The following SH3KBP1 variants were observed in gnomAD, a reference collection of about 807,000 sequenced individuals.
SH3KBP1 encodes the protein SH3 domain-containing kinase-binding protein 1.
Under a neutral mutation model 50.1 loss-of-function variants are expected in SH3KBP1, and 8 were observed. The ratio of observed to expected loss-of-function variants is 0.16; its 90% CI spans 0.09 to 0.29. The LOEUF (loss-of-function observed/expected upper bound fraction) is 0.29, where lower values mean the gene tolerates loss of function less well. SH3KBP1 is among the 10% of genes least tolerant of loss of function. The probability of loss-of-function intolerance (pLI) is 1.00; values close to 1 mark genes in which losing one functional copy is unlikely to be tolerated. For synonymous variants in SH3KBP1, 227 were observed against 218.6 expected, an observed-to-expected ratio of 1.04 and a Z score of -0.34; for missense variants, 377 against 535.2, an observed-to-expected ratio of 0.70 and a Z score of 2.92.
chrX:19,582,599 C>G (rs1461293764), intron 12 of SH3KBP1, among the ~76,000 whole-genome samples: 1 of 112,053 alleles, frequency 8.9e-6, no homozygotes, highest in Non-Finnish European at 1.9e-5. Flanking sequence ...ATCACCATCT[C>G]CTGTGCTTCC....
rs935806212 is a variant in SH3KBP1, at chrX:19,777,973, G to A, written c.163-31532C>T. Among the ~76,000 whole-genome samples the A allele has an allele frequency of 1.3e-4, 15 of 111,220 alleles. 1 individual carries two copies. Among genetic ancestry groups the A allele is most frequent in the African/African-American group, 4.2e-4 (13 of 30,603 alleles). On this transcript the variant is annotated intron_variant, in intron 2 of 17. Transcript: ENST00000397821. ...AAAGGTTGAGGCTACAGGAGGGGCC[G>A]AGATCCTCTGGAGCAGCTGGCTGGA...
At chrX:19,561,057 G>C (rs773009083) in intron 13 of SH3KBP1, among the ~76,000 whole-genome samples, 5 of 84,583 alleles carry the variant, frequency 5.9e-5, no homozygotes, top group South Asian at 6.6e-4. Flanking sequence ...CTGGGCAACA[G>C]AGCAAGACCC....
At chrX:19,756,965 C>T (rs1257862139) in intron 2 of SH3KBP1, among the ~76,000 whole-genome samples, 1 of 108,747 alleles carries the variant, frequency 9.2e-6, no homozygotes, top group African/African-American at 3.4e-5. Context: ...ACACAATAAA[C>T]TGATAACTGA....
At chrX:19,870,350 T>A (rs1332829411) in intron 1 of SH3KBP1, among the ~76,000 whole-genome samples, 1 of 110,546 alleles carries the variant, frequency 9.0e-6, no homozygotes, top group Non-Finnish European at 1.9e-5. Flanking sequence ...CATTTCTTTT[T>A]TTTTTTTTCT....
At chrX:19,704,349 C>T (rs2063603726) in intron 4 of SH3KBP1, among the ~76,000 whole-genome samples, 1 of 112,393 alleles carries the variant, frequency 8.9e-6, no homozygotes, top group Non-Finnish European at 1.9e-5. Flanking sequence ...AGTTTCTCTG[C>T]AGCCAATAGG....
intron 9 of SH3KBP1, among the ~76,000 whole-genome samples, chrX:19,600,095 C>CAAAAA (rs1218369399): frequency 3.6e-5 from 1 of 27,415 alleles, no homozygotes; most frequent in Non-Finnish European, 6.7e-5. Context: ...GACTCCGTCT[C>CAAAAA]AAAAAAAAAA....
At chrX:19,630,752 G>T (rs1267844590) in intron 8 of SH3KBP1, among the ~76,000 whole-genome samples, 2 of 111,871 alleles carry the variant, frequency 1.8e-5, no homozygotes, top group Non-Finnish European at 3.8e-5. Flanking sequence ...TTAACTTCTT[G>T]GGTCATTAGT....
intron 12 of SH3KBP1, among the ~76,000 whole-genome samples, chrX:19,577,585 G>A (rs976160855): frequency 1.5e-4 from 17 of 111,217 alleles, no homozygotes; most frequent in African/African-American, 4.3e-4. Flanking sequence ...TGCATCTCTC[G>A]AGACCATGAA....
At chrX:19,866,692 TAA>T (rs11393561) in intron 1 of SH3KBP1, among the ~76,000 whole-genome samples, 4 of 95,306 alleles carry the variant, frequency 4.2e-5, no homozygotes, top group Admixed American at 1.1e-4. Flanking sequence ...CCTGTCTCTT[TAA>T]AAAAAAAAAA....
At chrX:19,595,649 A>C (rs1348232793) in intron 9 of SH3KBP1, among the ~76,000 whole-genome samples, 1 of 103,857 alleles carries the variant, frequency 9.6e-6, no homozygotes, top group East Asian at 3.0e-4. Context: ...GTCACTCTGT[A>C]GGTGATGGAG....
rs976800943 is a variant in SH3KBP1 at position 19,682,631 on chromosome X, T to C, written c.726+1192A>G. On this transcript the variant is annotated intron_variant, in intron 6 of 17. Coordinates refer to ENST00000397821, the MANE Select transcript of SH3KBP1 (RefSeq NM_031892.3). ...AGTTTTCAGATCTTGAAAAATATCA[T>C]ATATTGATTGCTGAAAGGAACAATG... Among the ~76,000 whole-genome samples the C allele has an allele frequency of 9.0e-5, 10 of 110,566 alleles. No homozygotes were observed. The South Asian group carries it at 1.2e-3, about 13-fold the overall frequency.
At chrX:19,850,933 G>A (rs1266857398) in intron 1 of SH3KBP1, among the ~76,000 whole-genome samples, 1 of 110,321 alleles carries the variant, frequency 9.1e-6, no homozygotes, top group Non-Finnish European at 1.9e-5. Flanking sequence ...GGTTTGGGAA[G>A]CGCTGGCCCA....
At chrX:19,679,331 T>A (rs1054496961) in intron 6 of SH3KBP1, among the ~76,000 whole-genome samples, 2 of 112,316 alleles carry the variant, frequency 1.8e-5, no homozygotes, top group Non-Finnish European at 1.9e-5. Context: ...ACTCAATACA[T>A]GCTAGTTGAA....
At chrX:19,722,569 GGTGTGT>G (rs55675573) in intron 3 of SH3KBP1, among the ~76,000 whole-genome samples, 2,094 of 84,155 alleles carry the variant, frequency 0.025, 30 homozygotes, top group South Asian at 0.058. Context: ...CGTGCGCACT[GGTGTGT>G]GTGTGTGTGT....
At chrX:19,654,605 G>T (rs2062225255) in intron 6 of SH3KBP1, among the ~76,000 whole-genome samples, 1 of 111,915 alleles carries the variant, frequency 8.9e-6, no homozygotes, top group Non-Finnish European at 1.9e-5. Flanking sequence ...TACCACATTG[G>T]CAAAACATAA....
chrX:19,730,490 C>G (rs754659690), intron 3 of SH3KBP1, among the ~76,000 whole-genome samples: 1 of 110,743 alleles, frequency 9.0e-6, no homozygotes, highest in East Asian at 2.8e-4. Flanking sequence ...CAAGTGGGCC[C>G]TAGGGAGAAA....
intron 2 of SH3KBP1, among the ~76,000 whole-genome samples, chrX:19,806,788 T>C (rs977832521): frequency 8.9e-6 from 1 of 112,413 alleles, no homozygotes; most frequent in Admixed American, 9.4e-5. Flanking sequence ...ACTAAATCCA[T>C]TTCCTTAGGC....
intron 6 of SH3KBP1, among the ~76,000 whole-genome samples, chrX:19,651,295 G>C (rs1055156370): frequency 9.1e-6 from 1 of 109,972 alleles, no homozygotes; most frequent in Non-Finnish European, 1.9e-5. Flanking sequence ...ACATTTGGTG[G>C]GCCCAGCTTA....
At chrX:19,754,528 AG>A (rs1288279390) in intron 2 of SH3KBP1, among the ~76,000 whole-genome samples, 3 of 111,515 alleles carry the variant, frequency 2.7e-5, no homozygotes, top group Non-Finnish European at 5.7e-5. Flanking sequence ...GGGCGTAGGG[AG>A]GAGTCTTGCT....
Sources: gnomAD v4.1 joint callset for allele counts (sites outside exome capture counted in the v4.1 genomes callset) on GRCh38, gnomAD v4.1.1 for gene constraint, MANE v1.5 for transcripts, NCBI Gene and HGNC (gene_info 2026-07-23, HGNC 2026-07-21) for gene names.